The following PTPRD variants were observed in gnomAD, a reference collection of about 807,000 sequenced individuals.
PTPRD encodes the protein receptor-type tyrosine-protein phosphatase delta.
PTPRD carries 34 observed loss-of-function variants against 214.5 expected under a neutral mutation model. The ratio of observed to expected loss-of-function variants is 0.16; its 90% CI spans 0.12 to 0.21. The LOEUF is 0.21. Among genes scored for constraint, PTPRD ranks in the 10% least tolerant of loss-of-function variants. PTPRD has a pLI of 1.00. For missense variants in PTPRD, 2,545 were observed against 2,398.7 expected (o/e 1.06, Z -1.27); for synonymous variants, 1,128 against 845.7 (o/e 1.33, Z -5.79).
At chr9:10,521,387 C>G (rs1017536022) in intron 2 of PTPRD, among the ~76,000 whole-genome samples, 1 of 151,986 alleles carries the variant, frequency 6.6e-6, no homozygotes, top group Admixed American at 6.6e-5. Context: ...GTGGATGAGC[C>G]GAGGAAGTGG....
chr9:9,381,011 C>A (rs2062058633), intron 9 of PTPRD, among the ~76,000 whole-genome samples: 1 of 151,936 alleles, frequency 6.6e-6, no homozygotes, highest in Non-Finnish European at 1.5e-5. Flanking sequence ...ATTCGTATTT[C>A]TTTTGCTTAG....
At chr9:8,915,875 T>A (rs1028960267) in intron 11 of PTPRD, among the ~76,000 whole-genome samples, 4 of 152,190 alleles carry the variant, frequency 2.6e-5, no homozygotes, top group Non-Finnish European at 4.4e-5. Flanking sequence ...TCACCCTGAA[T>A]AATGTTTGAC....
chr9:9,333,284 G>A (rs1310366904), intron 9 of PTPRD, among the ~76,000 whole-genome samples: 2 of 151,490 alleles, frequency 1.3e-5, no homozygotes, highest in South Asian at 2.1e-4. Flanking sequence ...TAACAGAAAG[G>A]CAGAAAGAAG....
At chr9:10,395,487 A>G (rs1049121732) in intron 2 of PTPRD, among the ~76,000 whole-genome samples, 11 of 151,940 alleles carry the variant, frequency 7.2e-5, no homozygotes, top group African/African-American at 2.7e-4. Flanking sequence ...TACTATCATT[A>G]CTGAAAAAAA....
chr9:9,076,949 A>C (rs947614267), intron 10 of PTPRD, among the ~76,000 whole-genome samples: 1 of 152,042 alleles, frequency 6.6e-6, no homozygotes, highest in Non-Finnish European at 1.5e-5. Context: ...TTTTCTGCAC[A>C]TCCTTGGTAG....
chr9:10,452,228 T>C (rs2098846402), intron 2 of PTPRD, among the ~76,000 whole-genome samples: 1 of 151,948 alleles, frequency 6.6e-6, no homozygotes, highest in Non-Finnish European at 1.5e-5. Flanking sequence ...AATCCATTGG[T>C]GGACACTCAG....
chr9:9,529,112 T>C (rs990698965), intron 8 of PTPRD, among the ~76,000 whole-genome samples: 1 of 151,838 alleles, frequency 6.6e-6, no homozygotes, highest in Non-Finnish European at 1.5e-5. Context: ...TTTTGTATCT[T>C]TGATAGAGAT....
At chr9:8,336,821 C>T (rs1847340925) in intron 43 of PTPRD, among the ~76,000 whole-genome samples, 1 of 152,132 alleles carries the variant, frequency 6.6e-6, no homozygotes, top group Non-Finnish European at 1.5e-5. Flanking sequence ...CAGAAGAAGA[C>T]ACCGATGCGG....
At chr9:9,407,785 C>T (rs1358745312) in intron 8 of PTPRD, among the ~76,000 whole-genome samples, 6 of 151,748 alleles carry the variant, frequency 4.0e-5, no homozygotes, top group African/African-American at 9.7e-5. Flanking sequence ...ATTTCAGTTC[C>T]TTGTACACGC....
At chr9:9,468,333 AATAC>A (rs1402113812) in intron 8 of PTPRD, among the ~76,000 whole-genome samples, 4 of 152,118 alleles carry the variant, frequency 2.6e-5, no homozygotes, top group Non-Finnish European at 5.9e-5. Context: ...ATCTATATGA[AATAC>A]ATACATTTCA....
chr9:9,228,109 T>A (rs1209700502), intron 9 of PTPRD, among the ~76,000 whole-genome samples: 1 of 152,086 alleles, frequency 6.6e-6, no homozygotes, highest in African/African-American at 2.4e-5. Flanking sequence ...TGTACAAATA[T>A]AGATGAATTA....
chr9:8,565,222 C>G (rs905372516), intron 14 of PTPRD, among the ~76,000 whole-genome samples: 2 of 151,192 alleles, frequency 1.3e-5, no homozygotes, highest in Non-Finnish European at 2.9e-5. Context: ...GCTGGAGGAC[C>G]GGGGAGTTTA....
Position 10,341,000 on chromosome 9 carries a change from G to C in PTPRD, c.-582C>G, listed in dbSNP as rs1325299341. The C allele has an allele frequency of 6.6e-6, 1 of 151,828 alleles. No homozygotes were observed. Among genetic ancestry groups the C allele is most frequent in the African/African-American group, 2.4e-5 (1 of 41,394 alleles). The allele number at this position is 151,828 out of a possible 1,614,324, so 9.4% of individuals were successfully genotyped here. A position where few individuals can be genotyped will look rare whatever the true frequency, so the allele number is the denominator to read the frequency against. On this transcript the variant is annotated 5_prime_UTR_variant, in exon 3 of 46. The change creates a new upstream start codon in the 5' untranslated region. Coordinates refer to ENST00000381196, the MANE Select transcript of PTPRD (RefSeq NM_002839.4). ...TTTGAGACAGGTCCTTTACTTCCTT[G>C]ATTCTTCACTTCTTCACCTGCAAAA...
chr9:9,803,518 T>C (rs1404759533), intron 5 of PTPRD, among the ~76,000 whole-genome samples: 1 of 152,004 alleles, frequency 6.6e-6, no homozygotes, highest in Non-Finnish European at 1.5e-5. Flanking sequence ...TTTCAACTTA[T>C]CATGATGAGC....
At chr9:10,243,397 G>A (rs2091493924) in intron 3 of PTPRD, among the ~76,000 whole-genome samples, 1 of 151,796 alleles carries the variant, frequency 6.6e-6, no homozygotes, top group Non-Finnish European at 1.5e-5. Flanking sequence ...AAAATTTCTT[G>A]CTGGTTGTGG....
rs150794080 is a variant in PTPRD, at chr9:8,707,267, GA to G, written c.64+26512del. On this transcript the variant is annotated intron_variant, in intron 12 of 45. Coordinates refer to ENST00000381196, the MANE Select transcript of PTPRD (RefSeq NM_002839.4). ...TCACTTGAATAATTCTTTGGTGACAGAAGGTTGTGAAAGGATGTTACCTGGA... is the reference window on the plus strand; with the variant it reads ...TCACTTGAATAATTCTTTGGTGACAGAGGTTGTGAAAGGATGTTACCTGGA... Among the ~76,000 whole-genome samples the G allele has an allele frequency of 3.7e-3, 571 of 152,332 alleles. 2 individuals carry two copies. Among genetic ancestry groups the G allele is most frequent in the African/African-American group, 0.013 (546 of 41,562 alleles).
intron 5 of PTPRD, among the ~76,000 whole-genome samples, chr9:9,811,842 G>C (rs894921317): frequency 1.3e-5 from 2 of 152,148 alleles, no homozygotes; most frequent in African/African-American, 4.8e-5. Context: ...AGTTTGAGGG[G>C]ATTGACTCTA....
At chr9:8,550,516 T>G (rs80058807) in intron 14 of PTPRD, among the ~76,000 whole-genome samples, 69 of 152,312 alleles carry the variant, frequency 4.5e-4, no homozygotes, top group Non-Finnish European at 8.8e-4. Flanking sequence ...GTTGGTTAAA[T>G]GACCTACTGG....
chr9:9,585,249 A>G (rs1242926185), intron 7 of PTPRD, among the ~76,000 whole-genome samples: 1 of 152,062 alleles, frequency 6.6e-6, no homozygotes, highest in Non-Finnish European at 1.5e-5. Flanking sequence ...CTAGGGGCAA[A>G]GCTGTGCTCA....
Sources: gnomAD v4.1 joint callset for allele counts (sites outside exome capture counted in the v4.1 genomes callset) on GRCh38, gnomAD v4.1.1 for gene constraint, MANE v1.5 for transcripts, NCBI Gene and HGNC (gene_info 2026-07-23, HGNC 2026-07-21) for gene names.